The following KCNMA1 variants were observed in gnomAD, a reference collection of about 807,000 sequenced individuals.
KCNMA1 encodes the protein potassium calcium-activated channel subfamily M alpha 1.
KCNMA1 carries 29 observed loss-of-function variants against 140.0 expected under a neutral mutation model. That is an observed-to-expected ratio of 0.21 (90% CI 0.15 to 0.28). KCNMA1 has a LOEUF of 0.28. KCNMA1 is among the 10% of genes least tolerant of loss of function. The probability of loss-of-function intolerance (pLI) is 1.00; values close to 1 mark genes in which losing one functional copy is unlikely to be tolerated. For missense variants in KCNMA1, 880 were observed against 1,602.2 expected (o/e 0.55, Z 7.70); for synonymous variants, 612 against 611.9 (o/e 1.00, Z 0.00).
intron 24 of KCNMA1, chr10:76,910,447 G>A (rs920355544): frequency 1.5e-5 from 5 of 337,064 alleles, no homozygotes; most frequent in African/African-American, 1.1e-4. Flanking sequence ...TCCTTTGAGA[G>A]ATGGACATAT....
Position 77,241,659 on chromosome 10 carries a change from A to T in KCNMA1, c.602+9536T>A, listed in dbSNP as rs544237828. 5.3e-5 allele frequency among the ~76,000 whole-genome samples: 8 copies of T among 152,116 alleles called. No individual in the cohort carries two copies. In the South Asian group the frequency reaches 6.2e-4, roughly 12 times the overall value. ...TGAGACCCTGTCTCAAAGAAAAAAAAAAAATTTGCCAGCCATGGTGGTGCA... is the reference window on the plus strand; with the variant it reads ...TGAGACCCTGTCTCAAAGAAAAAAATAAAATTTGCCAGCCATGGTGGTGCA... On this transcript the variant is annotated intron_variant, in intron 3 of 27. Coordinates refer to ENST00000286628, the MANE Select transcript of KCNMA1 (RefSeq NM_001161352.2).
intron 2 of KCNMA1, among the ~76,000 whole-genome samples, chr10:77,302,654 T>C (rs2076799444): frequency 6.6e-6 from 1 of 152,122 alleles, no homozygotes; most frequent in Non-Finnish European, 1.5e-5. Context: ...AGAGGGGACG[T>C]GAGAATTGTC....
chr10:77,002,507 C>T (rs1367946798), intron 18 of KCNMA1, among the ~76,000 whole-genome samples: 3 of 152,140 alleles, frequency 2.0e-5, no homozygotes, highest in Non-Finnish European at 2.9e-5. Context: ...TCGCCAAAAT[C>T]GATTAAAACT....
At chr10:77,256,009 G>A (rs555203432) in intron 2 of KCNMA1, among the ~76,000 whole-genome samples, 15 of 151,898 alleles carry the variant, frequency 9.9e-5, no homozygotes, top group African/African-American at 2.9e-4. Context: ...TAGCCATCTC[G>A]CTAGATGAAA....
chr10:77,155,428 T>C (rs985851568), intron 5 of KCNMA1, among the ~76,000 whole-genome samples: 1 of 152,144 alleles, frequency 6.6e-6, no homozygotes, highest in African/African-American at 2.4e-5. Flanking sequence ...GTGGCAGCAG[T>C]TGAGGCACAG....
chr10:77,065,829 C>A (rs562024948), intron 14 of KCNMA1, among the ~76,000 whole-genome samples: 1 of 152,020 alleles, frequency 6.6e-6, no homozygotes, highest in Non-Finnish European at 1.5e-5. Flanking sequence ...AGTTCTAATG[C>A]CTTAGAGGAA....
intron 1 of KCNMA1, among the ~76,000 whole-genome samples, chr10:77,495,943 G>C (rs761478212): frequency 1.1e-4 from 16 of 152,298 alleles, no homozygotes; most frequent in Middle Eastern, 3.4e-3. Flanking sequence ...GTCTTCCTGT[G>C]TGGAAGCTCA....
At chr10:77,415,885 CCTTTT>C (rs1311040356) in intron 1 of KCNMA1, among the ~76,000 whole-genome samples, 1 of 152,234 alleles carries the variant, frequency 6.6e-6, no homozygotes, top group Admixed American at 6.5e-5. Context: ...GAAGAACTGT[CCTTTT>C]CTTTGACATT....
chr10:77,542,539 G>A lies in KCNMA1; in HGVS notation c.378+94726C>T, dbSNP rs1477229794. On this transcript the variant is annotated intron_variant, in intron 1 of 27. Coordinates refer to ENST00000286628, the MANE Select transcript of KCNMA1 (RefSeq NM_001161352.2). The stretch of plus-strand genomic sequence containing the variant: ...TAAATTTCTGTGGCCCTCCCCTAAG[G>A]GAATCTAATTCTATAGCTCTGTGTT... Among the ~76,000 whole-genome samples, 3 of 152,146 alleles carry A rather than the reference G, an allele frequency of 2.0e-5. No homozygotes were observed. In the East Asian group the frequency reaches 5.8e-4, roughly 29 times the overall value.
intron 25 of KCNMA1, among the ~76,000 whole-genome samples, chr10:76,898,927 C>G (rs1252266191): frequency 6.6e-6 from 1 of 151,340 alleles, no homozygotes; most frequent in Non-Finnish European, 1.5e-5. Context: ...TTGTTAAATT[C>G]AAGAAATAAT....
In KCNMA1 at chr10:77,374,233, C is replaced by T. The variant is rs1019741348; in HGVS notation, c.540+29629G>A. Among the ~76,000 whole-genome samples, 21 of 152,152 alleles carry T rather than the reference C, an allele frequency of 1.4e-4. 1 individual carries two copies. Among genetic ancestry groups the T allele is most frequent in the Admixed American group, 6.5e-5 (1 of 15,274 alleles). ...AAGGGAGAGCTGCAAACAACCATGG[C>T]GGGAATCTACTCCAGCCTCCCTTCC... On this transcript the variant is annotated intron_variant, in intron 2 of 27. Coordinates refer to ENST00000286628, the MANE Select transcript of KCNMA1 (RefSeq NM_001161352.2).
intron 1 of KCNMA1, among the ~76,000 whole-genome samples, chr10:77,439,869 T>C (rs2097358499): frequency 1.3e-5 from 2 of 152,188 alleles, no homozygotes. Context: ...ATGTGAATGG[T>C]CCTCCTGGAG....
At chr10:77,435,146 T>C (rs1280073857) in intron 1 of KCNMA1, among the ~76,000 whole-genome samples, 6 of 151,810 alleles carry the variant, frequency 4.0e-5, no homozygotes, top group Non-Finnish European at 8.8e-5. Context: ...CTCTGTTGCC[T>C]AGGCTGGCCT....
At chr10:77,198,002 G>A (rs912932909) in intron 3 of KCNMA1, among the ~76,000 whole-genome samples, 5 of 152,098 alleles carry the variant, frequency 3.3e-5, no homozygotes, top group East Asian at 1.9e-4. Flanking sequence ...AGAACTGGCC[G>A]TTACTCAATG....
chr10:77,403,829 G>T, intron 2 of KCNMA1, 33 bp downstream of exon 2: 6 of 1,596,198 alleles, frequency 3.8e-6, no homozygotes, highest in Non-Finnish European at 5.1e-6. Flanking sequence ...AGACAGCAAG[G>T]CCTCCTGGTG....
intron 23 of KCNMA1, among the ~76,000 whole-genome samples, chr10:76,916,379 T>C (rs1343665590): frequency 6.6e-6 from 1 of 152,186 alleles, no homozygotes; most frequent in African/African-American, 2.4e-5. Context: ...GAGTGAGAAA[T>C]ATCCCGGCTA....
chr10:76,914,142 T>C, intron 24 of KCNMA1: 1 of 1,547,814 alleles, frequency 6.5e-7, no homozygotes, highest in Non-Finnish European at 8.7e-7. Flanking sequence ...GTTTAGCTAA[T>C]TGGATACAGC....
chr10:77,089,094 C>T (rs1371716790), intron 10 of KCNMA1, among the ~76,000 whole-genome samples: 2 of 152,172 alleles, frequency 1.3e-5, no homozygotes, highest in East Asian at 3.8e-4. Flanking sequence ...TGAATGGAAC[C>T]TGTGGGTACC....
At chr10:77,268,516 G>A (rs1368093062) in intron 2 of KCNMA1, among the ~76,000 whole-genome samples, 1 of 152,094 alleles carries the variant, frequency 6.6e-6, no homozygotes, top group Non-Finnish European at 1.5e-5. Context: ...TACTGTGATT[G>A]AGTTACTGGA....
Sources: allele counts gnomAD v4.1 joint callset (sites outside exome capture counted in the v4.1 genomes callset), GRCh38; gene constraint gnomAD v4.1.1; transcripts MANE v1.5; gene names NCBI Gene and HGNC (gene_info 2026-07-23, HGNC 2026-07-21).